The following TBC1D22A variants were observed in gnomAD, a reference collection of about 807,000 sequenced individuals.
TBC1D22A encodes TBC1 domain family member 22A, also known as putative GTPase activator.
In TBC1D22A, 38 loss-of-function variants were observed where a neutral mutation model predicts 60.2. The observed-to-expected ratio is 0.63, with a 90% CI of 0.49 to 0.83. The LOEUF (loss-of-function observed/expected upper bound fraction) is 0.83, where lower values mean the gene tolerates loss of function less well. Among genes scored for constraint, TBC1D22A ranks in the 40% least tolerant of loss-of-function variants. The pLI, the probability that TBC1D22A is intolerant of heterozygous loss-of-function variation, is 0.00. For missense variants in TBC1D22A, 628 were observed against 701.0 expected (o/e 0.90, Z 1.18); for synonymous variants, 302 against 281.7 (o/e 1.07, Z -0.72).
At chr22:47,112,121 C>T (rs77940114) in intron 12 of TBC1D22A, among the ~76,000 whole-genome samples, 3,404 of 152,334 alleles carry the variant, frequency 0.022, 100 homozygotes, top group African/African-American at 0.074. Context: ...GTCAGAGGCA[C>T]GCCCTGCTAG....
At chr22:46,877,851 C>T (rs2067638254) in intron 4 of TBC1D22A, among the ~76,000 whole-genome samples, 2 of 152,118 alleles carry the variant, frequency 1.3e-5, no homozygotes, top group African/African-American at 4.8e-5. Context: ...GATTCTCTTG[C>T]CATTTGGGGC....
At chr22:46,908,576 A>G (rs1230984208) in intron 7 of TBC1D22A, among the ~76,000 whole-genome samples, 1 of 152,208 alleles carries the variant, frequency 6.6e-6, no homozygotes, top group African/African-American at 2.4e-5. Flanking sequence ...AGCTTTCTTC[A>G]GTCAGTAAGA....
At chr22:46,967,063 G>A (rs1046804429) in intron 8 of TBC1D22A, among the ~76,000 whole-genome samples, 3 of 152,190 alleles carry the variant, frequency 2.0e-5, no homozygotes, top group African/African-American at 7.2e-5. Flanking sequence ...CCCTCCCACC[G>A]TATGCCCGCA....
At chr22:47,169,338 C>T (rs990113038) in intron 12 of TBC1D22A, among the ~76,000 whole-genome samples, 11 of 152,160 alleles carry the variant, frequency 7.2e-5, no homozygotes, top group Admixed American at 4.6e-4. Flanking sequence ...CCGAGAGTGT[C>T]TAGGGCACAC....
At chr22:47,168,679 A>ACCCC (rs1556349383) in intron 12 of TBC1D22A, among the ~76,000 whole-genome samples, 4 of 148,464 alleles carry the variant, frequency 2.7e-5, no homozygotes, top group African/African-American at 1.0e-4. Flanking sequence ...TCTGCAGTCA[A>ACCCC]CCACCCACCC....
chr22:46,902,403 C>T (rs966949479), intron 7 of TBC1D22A, among the ~76,000 whole-genome samples: 15 of 152,366 alleles, frequency 9.8e-5, no homozygotes, highest in Middle Eastern at 3.4e-3. Flanking sequence ...CTAACAAAGA[C>T]GTGAACATCA....
chr22:46,982,017 G>C (rs2074532969), intron 9 of TBC1D22A, among the ~76,000 whole-genome samples: 1 of 152,192 alleles, frequency 6.6e-6, no homozygotes, highest in African/African-American at 2.4e-5. Flanking sequence ...ATTGAGAAGA[G>C]CATTCTAGAC....
intron 1 of TBC1D22A, among the ~76,000 whole-genome samples, chr22:46,786,808 C>T (rs1184410622): frequency 6.6e-6 from 1 of 152,152 alleles, no homozygotes; most frequent in Admixed American, 6.6e-5. Context: ...CCCACGTCAG[C>T]CTTCTGAGTA....
At chr22:46,843,026 G>A (rs779625674) in intron 4 of TBC1D22A, among the ~76,000 whole-genome samples, 2 of 152,150 alleles carry the variant, frequency 1.3e-5, no homozygotes, top group Non-Finnish European at 2.9e-5. Context: ...GCAGTGCCTC[G>A]AGCACACTGT....
intron 11 of TBC1D22A, among the ~76,000 whole-genome samples, chr22:47,103,964 C>T (rs1239990457): frequency 2.0e-5 from 3 of 151,736 alleles, no homozygotes; most frequent in Non-Finnish European, 4.4e-5. Context: ...TTTTTTTTGC[C>T]ATATTTGGAA....
chr22:47,161,570 C>T (rs1435351374), intron 12 of TBC1D22A, among the ~76,000 whole-genome samples: 2 of 152,216 alleles, frequency 1.3e-5, no homozygotes, highest in Non-Finnish European at 2.9e-5. Context: ...TACAGAGAGG[C>T]AGAAAGCATG....
chr22:47,052,311 A>T (rs1272776010), intron 11 of TBC1D22A, among the ~76,000 whole-genome samples: 1 of 152,212 alleles, frequency 6.6e-6, no homozygotes, highest in African/African-American at 2.4e-5. Context: ...CCCATCGGCC[A>T]TGCGGCCTGT....
intron 4 of TBC1D22A, among the ~76,000 whole-genome samples, chr22:46,824,683 G>T (rs575639489): frequency 6.6e-6 from 1 of 151,826 alleles, no homozygotes; most frequent in East Asian, 1.9e-4. Context: ...GGCTGGAGTC[G>T]GTGGAGGTGG....
chr22:46,968,413 G>A (rs951834295), intron 8 of TBC1D22A, among the ~76,000 whole-genome samples: 2 of 152,230 alleles, frequency 1.3e-5, no homozygotes, highest in Non-Finnish European at 2.9e-5. Context: ...GGGATCATGC[G>A]TGGACGTGTG....
At chr22:46,931,818 GT>G (rs902028994) in intron 8 of TBC1D22A, among the ~76,000 whole-genome samples, 1 of 152,174 alleles carries the variant, frequency 6.6e-6, no homozygotes, top group African/African-American at 2.4e-5. Context: ...TTTTCGTGTA[GT>G]TTTCTCCATT....
chr22:47,124,152 C>T (rs569432773), intron 12 of TBC1D22A, among the ~76,000 whole-genome samples: 5 of 152,098 alleles, frequency 3.3e-5, no homozygotes, highest in Admixed American at 6.5e-5. Context: ...GGGGAGGGCA[C>T]GCCTGAGCTG....
intron 4 of TBC1D22A, among the ~76,000 whole-genome samples, chr22:46,869,794 A>G (rs2067221487): frequency 6.6e-6 from 1 of 152,252 alleles, no homozygotes; most frequent in South Asian, 2.1e-4. Context: ...AATTAAAGGC[A>G]GTTAATAAGA....
At chr22:46,959,470 C>T (rs2073381687) in intron 8 of TBC1D22A, among the ~76,000 whole-genome samples, 1 of 152,182 alleles carries the variant, frequency 6.6e-6, no homozygotes, top group African/African-American at 2.4e-5. Context: ...GAGCCTTGGC[C>T]CTCTGCCTCT....
At chr22:46,917,146 C>T (rs967735207) in intron 8 of TBC1D22A, among the ~76,000 whole-genome samples, 1 of 152,186 alleles carries the variant, frequency 6.6e-6, no homozygotes, top group Non-Finnish European at 1.5e-5. Context: ...AGGCGGAAGA[C>T]ACACTTTTTA....
Sources: allele counts gnomAD v4.1 joint callset (sites outside exome capture counted in the v4.1 genomes callset), GRCh38; gene constraint gnomAD v4.1.1; transcripts MANE v1.5; gene names NCBI Gene and HGNC (gene_info 2026-07-23, HGNC 2026-07-21).